SYNDIG1L: variants seen among roughly 807,000 people sequenced by gnomAD.
The protein encoded by SYNDIG1L is synapse differentiation inducing 1 like, also known as synapse differentiation-inducing gene protein 1-like.
Under a neutral mutation model 20.1 loss-of-function variants are expected in SYNDIG1L, and 13 were observed. The ratio of observed to expected loss-of-function variants is 0.65; its 90% CI spans 0.42 to 1.03. The LOEUF (loss-of-function observed/expected upper bound fraction) is 1.03, where lower values mean the gene tolerates loss of function less well. SYNDIG1L is among the 50% of genes least tolerant of loss of function. SYNDIG1L has a pLI of 0.00. For synonymous variants in SYNDIG1L, 128 were observed against 129.3 expected, an observed-to-expected ratio of 0.99 and a Z score of 0.07; for missense variants, 294 against 305.1, an observed-to-expected ratio of 0.96 and a Z score of 0.27.
At chr14:74,465,013 G>T in the SYNDIG1L span, among the ~76,000 whole-genome samples, 2 of 152,204 alleles carry the variant, frequency 1.3e-5, no homozygotes, top group Non-Finnish European at 2.9e-5. Context: ...GGAAGAGGGT[G>T]AATGCTGGGC....
At chr14:74,423,507 G>A (rs1005344270) in intron 1 of SYNDIG1L, among the ~76,000 whole-genome samples, 72 of 152,296 alleles carry the variant, frequency 4.7e-4, no homozygotes, top group African/African-American at 1.6e-3. Context: ...AAGCGATGAC[G>A]TGAGGAGGGG....
the SYNDIG1L span, among the ~76,000 whole-genome samples, chr14:74,454,365 A>G: frequency 6.6e-6 from 1 of 152,232 alleles, no homozygotes; most frequent in Admixed American, 6.5e-5. Flanking sequence ...AACACACATT[A>G]GGAAATGTAA....
the SYNDIG1L span, among the ~76,000 whole-genome samples, chr14:74,459,737 C>T: frequency 6.6e-6 from 1 of 152,308 alleles, no homozygotes; most frequent in Admixed American, 6.5e-5. Flanking sequence ...CAAAGCCCCC[C>T]ACTACCGCCA....
At chr14:74,427,243 A>C (rs967554369), upstream of SYNDIG1L, among the ~76,000 whole-genome samples, 2 of 150,896 alleles carry the variant, frequency 1.3e-5, no homozygotes, top group African/African-American at 2.4e-5. Context: ...AGGAGGAGAG[A>C]GTATTCTCAT....
chr14:74,409,599 G>C lies in SYNDIG1L; in HGVS notation c.146C>G (p.Ala49Gly). The change falls in exon 2 of 4, where the codon GCC becomes GGC. Residue 49 changes from alanine to glycine, a missense_variant. Physicochemically the swap from Ala to Gly is moderately conservative, Grantham distance 60. Transcript: ENST00000331628. Reference protein sequence around the residue: ...YSYLLGGAGPAGAHQLLDPGS... With the variant: ...YSYLLGGAGPGGAHQLLDPGS... ...TGGGTCCAGGAGCTGGTGGGCTCCG[G>C]CAGGCCCAGCGCCACCTAGGAGGTA... 2.7e-6 allele frequency: 4 copies of C among 1,509,346 alleles called. No individual in the cohort carries two copies. Among genetic ancestry groups the C allele is most frequent in the Non-Finnish European group, 3.5e-6 (4 of 1,130,626 alleles). The allele number at this position is 1,509,346 out of a possible 1,614,324, so 93.5% of individuals were successfully genotyped here. A position where few individuals can be genotyped will look rare whatever the true frequency, so the allele number is the denominator to read the frequency against.
chr14:74,459,238 G>A, the SYNDIG1L span, among the ~76,000 whole-genome samples: 1 of 152,112 alleles, frequency 6.6e-6, no homozygotes, highest in Admixed American at 6.5e-5. Flanking sequence ...ACAGGTGGCT[G>A]GGTGTGGTGG....
chr14:74,415,690 C>T (rs1316711945), intron 1 of SYNDIG1L, among the ~76,000 whole-genome samples: 1 of 152,010 alleles, frequency 6.6e-6, no homozygotes, highest in Non-Finnish European at 1.5e-5. Context: ...TAGGCATGTA[C>T]CACCACGCCC....
At chr14:74,468,463 T>C in the SYNDIG1L span, among the ~76,000 whole-genome samples, 1 of 151,984 alleles carries the variant, frequency 6.6e-6, no homozygotes, top group Non-Finnish European at 1.5e-5. Context: ...CCTACCTCCC[T>C]TCTCGGGGAC....
At chr14:74,448,841 G>A in the SYNDIG1L span, among the ~76,000 whole-genome samples, 2 of 152,192 alleles carry the variant, frequency 1.3e-5, no homozygotes, top group Non-Finnish European at 2.9e-5. Flanking sequence ...GGCTGAGGCA[G>A]GAGGATCACT....
At chr14:74,435,235 A>G in the SYNDIG1L span, among the ~76,000 whole-genome samples, 18 of 152,074 alleles carry the variant, frequency 1.2e-4, no homozygotes, top group Non-Finnish European at 2.4e-4. Context: ...TCTTCCAGGG[A>G]CAACCAGGCC....
At chr14:74,429,924 T>TG (rs1220013459), upstream of SYNDIG1L, among the ~76,000 whole-genome samples, 1 of 152,188 alleles carries the variant, frequency 6.6e-6, no homozygotes, top group Non-Finnish European at 1.5e-5. Flanking sequence ...ACTTCTTATT[T>TG]GGGGGGCTTT....
the SYNDIG1L span, among the ~76,000 whole-genome samples, chr14:74,439,044 G>T: frequency 1.3e-5 from 2 of 151,102 alleles, no homozygotes; most frequent in East Asian, 3.9e-4. Flanking sequence ...AACCCGGGAG[G>T]CAGAGGTTGC....
intron 1 of SYNDIG1L, among the ~76,000 whole-genome samples, chr14:74,418,830 T>A (rs947228586): frequency 2.6e-5 from 4 of 152,238 alleles, no homozygotes; most frequent in African/African-American, 9.6e-5. Context: ...CCAGCCATTG[T>A]GAGTGAAGCC....
At position 74,407,358 on chromosome 14, in the gene SYNDIG1L, C is replaced by T. The variant is rs556609548; in HGVS notation, c.*177G>A. ...GGCCCTGCTCTGGGGCTGGGAGCAGCGGGCAAGCAGAAGTGAAGGCTGAGC... is the reference window on the plus strand; with the variant it reads ...GGCCCTGCTCTGGGGCTGGGAGCAGTGGGCAAGCAGAAGTGAAGGCTGAGC... On this transcript the variant is annotated 3_prime_UTR_variant, in exon 4 of 4. Coordinates refer to ENST00000331628, the MANE Select transcript of SYNDIG1L (RefSeq NM_001105579.2). The T allele has an allele frequency of 2.2e-5, 19 of 883,652 alleles. No homozygotes were observed. The highest frequency in any genetic ancestry group is 1.3e-4 in the East Asian group (5 of 37,226). The allele number at this position is 883,652 out of a possible 1,614,324, so 54.7% of individuals were successfully genotyped here.
At chr14:74,447,626 T>C in the SYNDIG1L span, among the ~76,000 whole-genome samples, 83,844 of 151,080 alleles carry the variant, frequency 0.55, 23,884 homozygotes, top group African/African-American at 0.69. Context: ...AGTGAAAAAC[T>C]AGACAAATCC....
At chr14:74,451,583 A>G in the SYNDIG1L span, among the ~76,000 whole-genome samples, 1 of 152,388 alleles carries the variant, frequency 6.6e-6, no homozygotes, top group Admixed American at 6.5e-5. Flanking sequence ...ACTGCATCAA[A>G]AGTAAACCTT....
chr14:74,427,826 C>A (rs563408004), upstream of SYNDIG1L, among the ~76,000 whole-genome samples: 1 of 152,184 alleles, frequency 6.6e-6, no homozygotes, highest in African/African-American at 2.4e-5. Flanking sequence ...GATGTCAGGC[C>A]ACCCTCCTGT....
chr14:74,414,913 G>A (rs1314081347), intron 1 of SYNDIG1L, among the ~76,000 whole-genome samples: 1 of 152,292 alleles, frequency 6.6e-6, no homozygotes, highest in East Asian at 1.9e-4. Flanking sequence ...CACCAAGGGA[G>A]TAAGAACTGG....
At chr14:74,463,551 G>T in the SYNDIG1L span, among the ~76,000 whole-genome samples, 12 of 152,254 alleles carry the variant, frequency 7.9e-5, no homozygotes, top group African/African-American at 2.6e-4. Context: ...GCTACTCTTT[G>T]TGCGGTCTCG....
Sources: allele counts gnomAD v4.1 joint callset (sites outside exome capture counted in the v4.1 genomes callset), GRCh38; gene constraint gnomAD v4.1.1; transcripts MANE v1.5; gene names NCBI Gene and HGNC (gene_info 2026-07-23, HGNC 2026-07-21).